Variants in OARD1 observed in about 807,000 individuals in gnomAD.
OARD1 encodes O-acyl-ADP-ribose deacylase 1.
In OARD1, 19 loss-of-function variants were observed where a neutral mutation model predicts 19.7. The ratio of observed to expected loss-of-function variants is 0.96; its 90% CI spans 0.67 to 1.41. The LOEUF (loss-of-function observed/expected upper bound fraction) is 1.41, where lower values mean the gene tolerates loss of function less well. Among genes scored for constraint, OARD1 ranks in the 40% most tolerant of loss-of-function variants. OARD1 has a pLI of 0.00. For missense variants in OARD1, 190 were observed against 183.8 expected, an observed-to-expected ratio of 1.03 and a Z score of -0.20; for synonymous variants, 70 against 61.8, an observed-to-expected ratio of 1.13 and a Z score of -0.62.
At chr6:41,086,871 G>T (rs1012156567) in intron 1 of OARD1, among the ~76,000 whole-genome samples, 1 of 152,040 alleles carries the variant, frequency 6.6e-6, no homozygotes, top group Non-Finnish European at 1.5e-5. Context: ...TTGCTAGGTG[G>T]ATTAAAGATC....
intron 1 of OARD1, among the ~76,000 whole-genome samples, chr6:41,088,315 C>T (rs1158766885): frequency 2.7e-5 from 4 of 145,498 alleles, no homozygotes; most frequent in East Asian, 2.1e-4. Flanking sequence ...CCCAGCTACT[C>T]GGGAGGCTGA....
intron 1 of OARD1, chr6:41,080,931 A>G: frequency 6.5e-7 from 1 of 1,541,146 alleles, no homozygotes; most frequent in Middle Eastern, 1.7e-4. Flanking sequence ...TGAGCACTGC[A>G]TGAACTTCTC....
At chr6:41,072,541 T>C (rs1763521537), upstream of OARD1, 2 of 152,282 alleles carry the variant, frequency 1.3e-5, no homozygotes, top group South Asian at 4.1e-4. Context: ...CCACACTCTT[T>C]GGCGAAGGCC....
chr6:41,090,611 A>G (rs1410134657), intron 1 of OARD1, among the ~76,000 whole-genome samples: 1 of 152,196 alleles, frequency 6.6e-6, no homozygotes, highest in Admixed American at 6.5e-5. Flanking sequence ...AAAGAGAGAA[A>G]TAGATCAAAA....
At chr6:41,090,655 T>C (rs1338679364) in intron 1 of OARD1, among the ~76,000 whole-genome samples, 5 of 152,232 alleles carry the variant, frequency 3.3e-5, no homozygotes, top group African/African-American at 4.8e-5. Context: ...TTGCTGCTTA[T>C]GTTTTTTTCT....
intron 1 of OARD1, chr6:41,083,968 A>G: frequency 7.3e-7 from 1 of 1,376,482 alleles, no homozygotes; most frequent in Non-Finnish European, 9.8e-7. Context: ...GCAGCAGAAT[A>G]GTTCCAGTGA....
chr6:41,091,722 C>T (rs79163992), intron 1 of OARD1: 33,936 of 1,600,706 alleles, frequency 0.021, 425 homozygotes, highest in Non-Finnish European at 0.026. Context: ...TCAGCTTTGT[C>T]TTTGAAATTT....
In OARD1 at chr6:41,067,309, C is replaced by T. The variant is rs776232037; in HGVS notation, c.*26G>A. 7 of 1,493,492 alleles carry T rather than the reference C, an allele frequency of 4.7e-6. No homozygotes were observed. In the East Asian group the frequency reaches 6.8e-5, roughly 15 times the overall value. 92.5% of individuals were successfully genotyped at this position (1,493,492 alleles called of 1,614,324 possible). On this transcript the variant is annotated 3_prime_UTR_variant, in exon 6 of 6. Transcript: ENST00000424266. Reference sequence around the variant, plus strand: ...CCAGTAGAGATGACACAGGAGAACACGGAAACATCCAAAATGTTCACTGGT... The same window carrying T: ...CCAGTAGAGATGACACAGGAGAACATGGAAACATCCAAAATGTTCACTGGT...
intron 1 of OARD1, among the ~76,000 whole-genome samples, chr6:41,090,979 A>C (rs1418601776): frequency 6.6e-6 from 1 of 152,228 alleles, no homozygotes; most frequent in East Asian, 1.9e-4. Flanking sequence ...AGAGTGCACT[A>C]ACTGTGTGCT....
intron 4 of OARD1, 137 bp downstream of exon 4, chr6:41,069,939 G>A (rs1306633229): frequency 4.0e-6 from 3 of 743,222 alleles, no homozygotes; most frequent in Admixed American, 2.0e-5. Flanking sequence ...CATAAGATAG[G>A]AAGCTTTTTG....
At chr6:41,076,737 A>G (rs1307064952), upstream of OARD1, among the ~76,000 whole-genome samples, 1 of 152,222 alleles carries the variant, frequency 6.6e-6, no homozygotes, top group East Asian at 1.9e-4. Flanking sequence ...GACAGACTAA[A>G]TCTGGCTTAG....
upstream of OARD1, chr6:41,075,808 A>C (rs1431240582): frequency 2.0e-5 from 3 of 151,300 alleles, no homozygotes; most frequent in Non-Finnish European, 2.9e-5. Context: ...ATATCACTTT[A>C]TCTCTTAGGA....
At chr6:41,084,275 A>C in intron 1 of OARD1, 1 of 1,473,058 alleles carries the variant, frequency 6.8e-7, no homozygotes, top group South Asian at 1.3e-5. Flanking sequence ...TTGATAATTG[A>C]TATTGCATTT....
intron 1 of OARD1, among the ~76,000 whole-genome samples, chr6:41,092,226 A>G (rs1213455875): frequency 2.6e-5 from 4 of 152,192 alleles, no homozygotes; most frequent in East Asian, 3.9e-4. Flanking sequence ...GGAGGAAGCT[A>G]TGAAAAGAAA....
chr6:41,089,631 A>G, intron 1 of OARD1: 1 of 1,612,740 alleles, frequency 6.2e-7, no homozygotes, highest in Non-Finnish European at 8.5e-7. Context: ...CAGGCTGTGC[A>G]GGTGCAGGGC....
At chr6:41,070,739 G>T in intron 3 of OARD1, 1 of 375,358 alleles carries the variant, frequency 2.7e-6, no homozygotes, top group Non-Finnish European at 4.8e-6. Context: ...CACATTTCTG[G>T]TTTAAAGTGG....
At chr6:41,072,855 G>A (rs148207476), upstream of OARD1, 1 of 153,008 alleles carries the variant, frequency 6.5e-6, no homozygotes, top group Non-Finnish European at 1.5e-5. Flanking sequence ...CCTGCGCGTT[G>A]CTCCTCCGAA....
chr6:41,085,339 T>C (rs1764017293), intron 1 of OARD1, among the ~76,000 whole-genome samples: 1 of 152,116 alleles, frequency 6.6e-6, no homozygotes, highest in African/African-American at 2.4e-5. Context: ...AATAAGGAAA[T>C]GGTTGGAATA....
At chr6:41,067,628 A>T (rs1025626747) in intron 5 of OARD1, among the ~76,000 whole-genome samples, 191 bp from the exon 6 acceptor site, 6 of 152,240 alleles carry the variant, frequency 3.9e-5, no homozygotes, top group African/African-American at 1.4e-4. Context: ...GACAGCTCTA[A>T]CATCCAAAAA....
Sources: allele counts gnomAD v4.1 joint callset (sites outside exome capture counted in the v4.1 genomes callset), GRCh38; gene constraint gnomAD v4.1.1; transcripts MANE v1.5; gene names NCBI Gene and HGNC (gene_info 2026-07-23, HGNC 2026-07-21).